CCDC171: variants seen among roughly 807,000 people sequenced by gnomAD.
CCDC171 encodes the protein coiled-coil domain containing 171.
Under a neutral mutation model 168.2 loss-of-function variants are expected in CCDC171, and 177 were observed. That is an observed-to-expected ratio of 1.05 (90% confidence interval 0.93 to 1.19). The LOEUF is 1.19. Ranked by LOEUF, CCDC171 falls within the 50% of genes most tolerant of loss-of-function variation. The probability of loss-of-function intolerance (pLI) is 0.00; values close to 1 mark genes in which losing one functional copy is unlikely to be tolerated. For synonymous variants in CCDC171, 687 were observed against 540.8 expected, an observed-to-expected ratio of 1.27 and a Z score of -3.75; for missense variants, 1,991 against 1,539.0, an observed-to-expected ratio of 1.29 and a Z score of -4.91.
intron 6 of CCDC171, among the ~76,000 whole-genome samples, chr9:15,599,000 G>A (rs998009337): frequency 9.9e-5 from 15 of 152,048 alleles, no homozygotes; most frequent in African/African-American, 3.4e-4. Context: ...CCATTTGCTT[G>A]GTGGATCTTC....
chr9:15,598,058 G>T (rs2042517603), intron 6 of CCDC171, among the ~76,000 whole-genome samples: 1 of 151,882 alleles, frequency 6.6e-6, no homozygotes, highest in African/African-American at 2.4e-5. Context: ...GATTAGTCTT[G>T]CTAGCGGTCT....
intron 7 of CCDC171, among the ~76,000 whole-genome samples, chr9:15,625,581 C>T (rs1035272104): frequency 5.9e-5 from 9 of 152,180 alleles, no homozygotes; most frequent in Non-Finnish European, 1.2e-4. Context: ...GGAGTCCTTT[C>T]CCCATTTCTT....
At chr9:15,609,424 A>G (rs2043488726) in intron 6 of CCDC171, among the ~76,000 whole-genome samples, 1 of 152,130 alleles carries the variant, frequency 6.6e-6, no homozygotes, top group Non-Finnish European at 1.5e-5. Flanking sequence ...TTAAATTTTA[A>G]TGTAGTTGAA....
chr9:15,663,679 C>T (rs933271657), intron 8 of CCDC171, among the ~76,000 whole-genome samples: 4 of 149,264 alleles, frequency 2.7e-5, no homozygotes, highest in African/African-American at 4.9e-5. Context: ...GATCTTGGCT[C>T]ACTGCAAGCT....
chr9:15,915,416 G>A (rs1323408583), intron 24 of CCDC171, among the ~76,000 whole-genome samples: 1 of 151,512 alleles, frequency 6.6e-6, no homozygotes, highest in Non-Finnish European at 1.5e-5. Flanking sequence ...TTTGTCCTCA[G>A]ATAGATTATT....
chr9:16,066,060 G>A (rs1484073751), downstream of CCDC171, among the ~76,000 whole-genome samples: 1 of 152,104 alleles, frequency 6.6e-6, no homozygotes, highest in Non-Finnish European at 1.5e-5. Context: ...CCATCCCACT[G>A]TCTCCCTAAT....
In CCDC171 at chr9:15,938,757, G is replaced by A. The variant is rs780066220; in HGVS notation, c.3753+18335G>A. Among the ~76,000 whole-genome samples the A allele has an allele frequency of 5.9e-5, 9 of 151,890 alleles. No homozygotes were observed. In the South Asian group the frequency reaches 8.3e-4, roughly 14 times the overall value. On this transcript the variant is annotated intron_variant, in intron 25 of 25. Transcript: ENST00000380701. ...TTTTGGATATTCTTTTGTTCTCCAT[G>A]TTTGCCTGACACCAACTGGAAAGAT...
chr9:15,778,961 A>G lies in CCDC171; in HGVS notation c.2899-7A>G. ...CTGTTTATAAAATTGCTCTTGTTTA[A>G]CAACAGAAAAGCACAGCATCGTTGC... On this transcript the variant is annotated splice_polypyrimidine_tract_variant and splice_region_variant and intron_variant, in intron 19 of 25. Transcript: ENST00000380701. 1 of 1,469,512 alleles carries G rather than the reference A, an allele frequency of 6.8e-7. No homozygotes were observed. The highest frequency in any genetic ancestry group is 9.0e-7 in the Non-Finnish European group (1 of 1,107,638). 91.0% of individuals were successfully genotyped at this position (1,469,512 alleles called of 1,614,324 possible).
intron 24 of CCDC171, among the ~76,000 whole-genome samples, chr9:15,900,819 T>C (rs1360919418): frequency 6.6e-6 from 1 of 152,120 alleles, no homozygotes. Context: ...CTTTCCTGAT[T>C]CTAGGGTCCT....
intron 21 of CCDC171, among the ~76,000 whole-genome samples, chr9:15,809,706 A>T (rs1467694916): frequency 6.6e-6 from 1 of 152,088 alleles, no homozygotes; most frequent in Non-Finnish European, 1.5e-5. Context: ...CTTCGTGGTG[A>T]GTGTTACAGC....
upstream of CCDC171, chr9:15,552,943 C>T (rs932665502): frequency 6.6e-6 from 1 of 152,204 alleles, no homozygotes; most frequent in Non-Finnish European, 1.5e-5. Context: ...TCTTCCAATC[C>T]GAGCCAGCGT....
intron 2 of CCDC171, among the ~76,000 whole-genome samples, chr9:15,569,478 T>C (rs932437715): frequency 7.9e-5 from 12 of 152,246 alleles, no homozygotes; most frequent in Non-Finnish European, 1.5e-4. Context: ...CTGCACCTTT[T>C]TTTAGATTTT....
chr9:15,695,417 C>G, intron 11 of CCDC171, 80 bp downstream of exon 11: 2 of 989,448 alleles, frequency 2.0e-6, no homozygotes, highest in Non-Finnish European at 3.3e-6. Flanking sequence ...GCAGATGCCT[C>G]TTGTAGTCCC....
chr9:15,681,091 A>G (rs1457465423), intron 10 of CCDC171, among the ~76,000 whole-genome samples: 1 of 152,118 alleles, frequency 6.6e-6, no homozygotes, highest in African/African-American at 2.4e-5. Flanking sequence ...TATATGGCCT[A>G]AAATAATGCA....
intron 24 of CCDC171, among the ~76,000 whole-genome samples, chr9:15,909,194 T>C (rs1212343705): frequency 6.6e-6 from 1 of 152,182 alleles, no homozygotes; most frequent in African/African-American, 2.4e-5. Flanking sequence ...GCTAAGGCCT[T>C]CTACCCCGTC....
chr9:15,936,911 A>G (rs1050962548), intron 25 of CCDC171, among the ~76,000 whole-genome samples: 2 of 152,024 alleles, frequency 1.3e-5, no homozygotes, highest in Non-Finnish European at 2.9e-5. Context: ...TTTTAGGTGG[A>G]AAGATTGCCA....
chr9:16,012,158 G>A (rs1259540865), intron 3 of CCDC171, among the ~76,000 whole-genome samples: 2 of 152,150 alleles, frequency 1.3e-5, no homozygotes, highest in Non-Finnish European at 2.9e-5. Flanking sequence ...CCCAAGGAGG[G>A]TTCTTTAAGA....
chr9:15,936,526 A>G (rs1348926315), intron 25 of CCDC171, among the ~76,000 whole-genome samples: 1 of 151,972 alleles, frequency 6.6e-6, no homozygotes. Flanking sequence ...GACTCAGCAG[A>G]GAGCGAGAGG....
At chr9:15,902,784 C>G (rs1422992829) in intron 24 of CCDC171, among the ~76,000 whole-genome samples, 6 of 152,172 alleles carry the variant, frequency 3.9e-5, no homozygotes, top group Non-Finnish European at 8.8e-5. Context: ...CTTTCCTAGT[C>G]AAAGAAAGGG....
Sources: gnomAD v4.1 joint callset for allele counts (sites outside exome capture counted in the v4.1 genomes callset) on GRCh38, gnomAD v4.1.1 for gene constraint, MANE v1.5 for transcripts, NCBI Gene and HGNC (gene_info 2026-07-23, HGNC 2026-07-21) for gene names.